Variants in PPM1H observed in about 807,000 individuals in gnomAD.
PPM1H encodes protein phosphatase 1H.
A neutral mutation model predicts 54.9 loss-of-function variants in PPM1H; 27 were observed. That is an observed-to-expected ratio of 0.49 (90% confidence interval 0.36 to 0.68). The LOEUF is 0.68. Among genes scored for constraint, PPM1H ranks in the 30% least tolerant of loss-of-function variants. The probability of loss-of-function intolerance (pLI) is 0.00; values close to 1 mark genes in which losing one functional copy is unlikely to be tolerated. For missense variants in PPM1H, 596 were observed against 667.8 expected, an observed-to-expected ratio of 0.89 and a Z score of 1.19; for synonymous variants, 305 against 270.8, an observed-to-expected ratio of 1.13 and a Z score of -1.24.
intron 1 of PPM1H, among the ~76,000 whole-genome samples, chr12:62,864,497 CA>C (rs1869708311): frequency 2.6e-5 from 4 of 152,200 alleles, no homozygotes; most frequent in Non-Finnish European, 5.9e-5. Flanking sequence ...TTTAGCTTTG[CA>C]GGATTGCAGG....
At chr12:62,843,828 A>G (rs147703122) in intron 1 of PPM1H, among the ~76,000 whole-genome samples, 176 of 152,314 alleles carry the variant, frequency 1.2e-3, no homozygotes, top group Non-Finnish European at 2.2e-3. Flanking sequence ...GTGTGTTTCC[A>G]GATTAAAGAC....
intron 3 of PPM1H, among the ~76,000 whole-genome samples, chr12:62,791,084 A>AT (rs561351699): frequency 6.6e-6 from 1 of 152,026 alleles, no homozygotes; most frequent in Non-Finnish European, 1.5e-5. Context: ...TAAATTTTAA[A>AT]TTTTTTTTAT....
At chr12:62,668,338 T>A (rs10506446) in intron 8 of PPM1H, among the ~76,000 whole-genome samples, 41,327 of 152,036 alleles carry the variant, frequency 0.27, 5,998 homozygotes, top group East Asian at 0.47. Flanking sequence ...AGCAAGTCAA[T>A]TTAATCAATC....
intron 9 of PPM1H, among the ~76,000 whole-genome samples, chr12:62,665,591 T>G (rs1157623021): frequency 6.6e-6 from 1 of 152,238 alleles, no homozygotes; most frequent in Non-Finnish European, 1.5e-5. Context: ...AGTTCACCAG[T>G]GTTCTCTTCA....
At chr12:62,861,451 T>C (rs1479637877) in intron 1 of PPM1H, among the ~76,000 whole-genome samples, 3 of 152,250 alleles carry the variant, frequency 2.0e-5, no homozygotes, top group Non-Finnish European at 4.4e-5. Context: ...TTAGCTTCAG[T>C]TGACATTTAT....
chr12:62,805,384 A>G (rs1305036734), intron 2 of PPM1H, among the ~76,000 whole-genome samples: 1 of 152,366 alleles, frequency 6.6e-6, no homozygotes, highest in African/African-American at 2.4e-5. Flanking sequence ...TGAAATCAGT[A>G]TCTATAGCCC....
chr12:62,711,566 C>T (rs2076206840), intron 6 of PPM1H, among the ~76,000 whole-genome samples: 1 of 152,140 alleles, frequency 6.6e-6, no homozygotes, highest in African/African-American at 2.4e-5. Flanking sequence ...TGACTTGCAG[C>T]TATGTTCTTA....
chr12:62,738,469 G>GT (rs2076362798), intron 4 of PPM1H, among the ~76,000 whole-genome samples: 1 of 152,056 alleles, frequency 6.6e-6, no homozygotes, highest in South Asian at 2.1e-4. Context: ...AGGGAACGGC[G>GT]TTCCCCAAAG....
At chr12:62,755,183 C>G in intron 4 of PPM1H, 1 of 579,674 alleles carries the variant, frequency 1.7e-6, no homozygotes, top group Non-Finnish European at 3.2e-6. Flanking sequence ...GACAGACAGC[C>G]GCCTCTTCTC....
chr12:62,759,696 CCTT>C (rs1258543811), intron 4 of PPM1H, among the ~76,000 whole-genome samples: 1 of 152,150 alleles, frequency 6.6e-6, no homozygotes, highest in Non-Finnish European at 1.5e-5. Context: ...ACCCCTGACT[CCTT>C]CTCTCCGTGT....
In PPM1H at chr12:62,644,987, T is replaced by G. The variant is rs1285367058; in HGVS notation, c.*3502A>C. 6.6e-6 allele frequency: 1 copy of G among 152,192 alleles called. No individual in the cohort carries two copies. Among genetic ancestry groups the G allele is most frequent in the East Asian group, 1.9e-4 (1 of 5,198 alleles). 9.4% of individuals were successfully genotyped at this position (152,192 alleles called of 1,614,324 possible). Reference sequence around the variant, plus strand: ...GAAAACAGCGGAGCTGCTGGGTCGCTTAAGGAAAGCTGAGAACCTCAAACC... The same window carrying G: ...GAAAACAGCGGAGCTGCTGGGTCGCGTAAGGAAAGCTGAGAACCTCAAACC... On this transcript the variant is annotated 3_prime_UTR_variant, in exon 10 of 10. Coordinates refer to ENST00000228705, the MANE Select transcript of PPM1H (RefSeq NM_020700.2).
At chr12:62,912,139 A>G (rs556839119) in intron 1 of PPM1H, among the ~76,000 whole-genome samples, 1 of 152,332 alleles carries the variant, frequency 6.6e-6, no homozygotes, top group South Asian at 2.1e-4. Context: ...GATTATATGA[A>G]AGGACTCTAA....
At chr12:62,874,674 C>T (rs2121018196) in intron 1 of PPM1H, among the ~76,000 whole-genome samples, 1 of 152,256 alleles carries the variant, frequency 6.6e-6, no homozygotes, top group Middle Eastern at 3.4e-3. Context: ...AGAGATTTTT[C>T]CCTGCTTAGG....
chr12:62,900,504 G>A (rs1480370051), intron 1 of PPM1H, among the ~76,000 whole-genome samples: 1 of 148,572 alleles, frequency 6.7e-6, no homozygotes, highest in Non-Finnish European at 1.5e-5. Context: ...CCTGCACATT[G>A]TGCACATGTA....
chr12:62,851,951 T>A (rs1415519007), intron 1 of PPM1H, among the ~76,000 whole-genome samples: 1 of 147,746 alleles, frequency 6.8e-6, no homozygotes, highest in Non-Finnish European at 1.5e-5. Context: ...GGCTTTTGGA[T>A]GGCCGGGCGC....
chr12:62,894,990 A>T (rs954383883), intron 1 of PPM1H, among the ~76,000 whole-genome samples: 7 of 152,250 alleles, frequency 4.6e-5, no homozygotes, highest in Non-Finnish European at 8.8e-5. Context: ...GTTACTGTTA[A>T]AGTTACCAGC....
chr12:62,831,776 CAT>C (rs1271636040), intron 2 of PPM1H, among the ~76,000 whole-genome samples: 4 of 146,762 alleles, frequency 2.7e-5, no homozygotes, highest in East Asian at 4.1e-4. Flanking sequence ...TATATACACA[CAT>C]ATATATACGT....
intron 1 of PPM1H, among the ~76,000 whole-genome samples, chr12:62,930,314 T>C (rs1405484746): frequency 6.6e-6 from 1 of 152,210 alleles, no homozygotes; most frequent in Admixed American, 6.5e-5. Flanking sequence ...TTTCTACTTA[T>C]GTCCAGGGGT....
chr12:62,658,212 T>TTTTTTTC lies in PPM1H; in HGVS notation c.1397+8965_1397+8966insGAAAAAA, dbSNP rs768288538. On this transcript the variant is annotated intron_variant, in intron 9 of 9. Coordinates refer to ENST00000228705, the MANE Select transcript of PPM1H (RefSeq NM_020700.2). The stretch of plus-strand genomic sequence containing the variant: ...TTTTTTTTTTTTTTTTTTTTTTTTT[T>TTTTTTTC]AAGTAAAAAAGAAGTTTCCACAGAC... Among the ~76,000 whole-genome samples, 91 of 130,586 alleles carry TTTTTTTC rather than the reference T, an allele frequency of 7.0e-4. 3 individuals carry two copies. The highest frequency in any genetic ancestry group is 1.6e-3 in the South Asian group (6 of 3,850). The allele number at this position is 130,586 out of a possible 152,430, so 85.7% of individuals were successfully genotyped here.
Sources: gnomAD v4.1 joint callset for allele counts (sites outside exome capture counted in the v4.1 genomes callset) on GRCh38, gnomAD v4.1.1 for gene constraint, MANE v1.5 for transcripts, NCBI Gene and HGNC (gene_info 2026-07-23, HGNC 2026-07-21) for gene names.